ADAMTSL1: variants seen among roughly 807,000 people sequenced by gnomAD.
ADAMTSL1 encodes the protein ADAMTS-like protein 1.
A neutral mutation model predicts 201.8 loss-of-function variants in ADAMTSL1; 126 were observed. The ratio of observed to expected loss-of-function variants is 0.62; its 90% CI spans 0.54 to 0.72. The LOEUF (loss-of-function observed/expected upper bound fraction) is 0.72. ADAMTSL1 is among the 30% of genes least tolerant of loss of function. The pLI is 0.00. For synonymous variants in ADAMTSL1, 1,121 were observed against 903.4 expected, an observed-to-expected ratio of 1.24 and a Z score of -4.32; for missense variants, 2,679 against 2,277.8, an observed-to-expected ratio of 1.18 and a Z score of -3.59.
intron 20 of ADAMTSL1, among the ~76,000 whole-genome samples, chr9:18,808,156 C>A (rs1823281458): frequency 6.6e-6 from 1 of 152,066 alleles, no homozygotes; most frequent in Non-Finnish European, 1.5e-5. Flanking sequence ...TAAAAGAGTA[C>A]AATGTATTGA....
chr9:18,905,452 C>G, intron 26 of ADAMTSL1: 1 of 299,756 alleles, frequency 3.3e-6, no homozygotes, highest in South Asian at 4.3e-5. Context: ...GTCTTCAGTT[C>G]TAAAGTCTAC....
intron 23 of ADAMTSL1, among the ~76,000 whole-genome samples, chr9:18,859,636 A>G (rs949395626): frequency 6.6e-6 from 1 of 152,228 alleles, no homozygotes; most frequent in African/African-American, 2.4e-5. Flanking sequence ...TTAGCAATGT[A>G]TATCAGTATT....
intron 2 of ADAMTSL1, among the ~76,000 whole-genome samples, chr9:18,434,765 A>G (rs1819650056): frequency 6.6e-6 from 1 of 152,166 alleles, no homozygotes; most frequent in Non-Finnish European, 1.5e-5. Flanking sequence ...GCCCTGCAAG[A>G]TCTGGCTGAA....
intron 1 of ADAMTSL1, among the ~76,000 whole-genome samples, chr9:18,484,141 T>G (rs866319052): frequency 6.6e-6 from 1 of 152,214 alleles, no homozygotes; most frequent in Non-Finnish European, 1.5e-5. Flanking sequence ...TCAGGCACTG[T>G]GCTAGGTACT....
chr9:18,072,115 G>A (rs73420820), intron 1 of ADAMTSL1, among the ~76,000 whole-genome samples: 21 of 152,174 alleles, frequency 1.4e-4, no homozygotes, highest in African/African-American at 4.8e-4. Flanking sequence ...TGTGCCGTGG[G>A]GATCTTATTT....
intron 2 of ADAMTSL1, among the ~76,000 whole-genome samples, chr9:18,519,421 A>T (rs904773456): frequency 6.6e-6 from 1 of 152,130 alleles, no homozygotes; most frequent in African/African-American, 2.4e-5. Flanking sequence ...TGGGACTCCT[A>T]TCACCCATAT....
chr9:18,568,915 A>G (rs1343665854), intron 3 of ADAMTSL1, among the ~76,000 whole-genome samples: 5 of 152,182 alleles, frequency 3.3e-5, no homozygotes, highest in Admixed American at 2.6e-4. Context: ...TTAAGGGAAG[A>G]GGAAAAACAG....
At chr9:18,398,275 T>C (rs754498756) in intron 2 of ADAMTSL1, among the ~76,000 whole-genome samples, 1 of 152,108 alleles carries the variant, frequency 6.6e-6, no homozygotes, top group Admixed American at 6.6e-5. Context: ...GTCCTCCCAT[T>C]GTGTCATTAT....
At chr9:18,497,721 C>G (rs778277826) in intron 1 of ADAMTSL1, among the ~76,000 whole-genome samples, 19 of 152,164 alleles carry the variant, frequency 1.2e-4, no homozygotes, top group Non-Finnish European at 2.6e-4. Context: ...TTCCTGAATA[C>G]TAACCTTTGT....
intron 15 of ADAMTSL1, among the ~76,000 whole-genome samples, chr9:18,738,750 A>C (rs1818658894): frequency 6.6e-6 from 1 of 152,234 alleles, no homozygotes; most frequent in Non-Finnish European, 1.5e-5. Context: ...TGTGGGAGGC[A>C]AGCAAAATTA....
intron 23 of ADAMTSL1, among the ~76,000 whole-genome samples, chr9:18,875,179 T>TATCA: frequency 6.6e-6 from 1 of 152,284 alleles, no homozygotes; most frequent in South Asian, 2.1e-4. Flanking sequence ...ACTAATGGTC[T>TATCA]ATCAGTTTTG....
chr9:18,720,333 GCTTA>G (rs1208930204), intron 14 of ADAMTSL1, among the ~76,000 whole-genome samples: 1 of 152,314 alleles, frequency 6.6e-6, no homozygotes, highest in Admixed American at 6.5e-5. Flanking sequence ...TAAAAATAGT[GCTTA>G]CTTTGTGCAG....
chr9:18,547,757 C>G (rs1034577065), intron 3 of ADAMTSL1, among the ~76,000 whole-genome samples: 1 of 151,312 alleles, frequency 6.6e-6, no homozygotes, highest in African/African-American at 2.4e-5. Context: ...GAAACTCTAC[C>G]AAGCCATACT....
chr9:18,435,753 C>T (rs142486365), intron 2 of ADAMTSL1, among the ~76,000 whole-genome samples: 45 of 152,296 alleles, frequency 3.0e-4, no homozygotes, highest in African/African-American at 9.9e-4. Flanking sequence ...GAACAAGTCA[C>T]ATCTTACGTG....
At chr9:18,840,511 C>G (rs527270127) in intron 23 of ADAMTSL1, among the ~76,000 whole-genome samples, 1 of 152,086 alleles carries the variant, frequency 6.6e-6, no homozygotes, top group Non-Finnish European at 1.5e-5. Flanking sequence ...GTTGACTTCG[C>G]GATGTGGGCT....
chr9:18,590,662 T>A (rs1823851026), intron 4 of ADAMTSL1, among the ~76,000 whole-genome samples: 2 of 152,074 alleles, frequency 1.3e-5, no homozygotes, highest in Admixed American at 1.3e-4. Flanking sequence ...TTGCTATAAA[T>A]GTCCATCTTA....
intron 4 of ADAMTSL1, among the ~76,000 whole-genome samples, chr9:18,591,262 C>T (rs938796135): frequency 1.3e-5 from 2 of 152,144 alleles, no homozygotes; most frequent in African/African-American, 2.4e-5. Flanking sequence ...ACTCTTTTAT[C>T]ATTATATAAT....
intron 1 of ADAMTSL1, among the ~76,000 whole-genome samples, chr9:17,944,387 G>T (rs1827368057): frequency 6.6e-6 from 1 of 152,078 alleles, no homozygotes; most frequent in African/African-American, 2.4e-5. Flanking sequence ...TGGCCATACT[G>T]CCCAAGGTAA....
At chr9:18,632,534 T>C (rs937986951) in intron 5 of ADAMTSL1, among the ~76,000 whole-genome samples, 2 of 152,168 alleles carry the variant, frequency 1.3e-5, no homozygotes, top group African/African-American at 4.8e-5. Context: ...ATTTCATCTG[T>C]GGGGTGTAGT....
Sources: allele counts gnomAD v4.1 joint callset (sites outside exome capture counted in the v4.1 genomes callset), GRCh38; gene constraint gnomAD v4.1.1; transcripts MANE v1.5; gene names NCBI Gene and HGNC (gene_info 2026-07-23, HGNC 2026-07-21).